Variants in SORCS1 observed in about 807,000 individuals in gnomAD.
SORCS1 encodes sortilin related VPS10 domain containing receptor 1, also known as VPS10 domain-containing receptor SorCS1.
A neutral mutation model predicts 146.1 loss-of-function variants in SORCS1; 60 were observed. The observed-to-expected ratio is 0.41, with a 90% confidence interval of 0.33 to 0.51. SORCS1 has a LOEUF of 0.51. Ranked by LOEUF, SORCS1 falls within the 20% of genes least tolerant of loss-of-function variation. The pLI, the probability that SORCS1 is intolerant of heterozygous loss-of-function variation, is 0.21. For synonymous variants in SORCS1, 637 were observed against 584.0 expected, an observed-to-expected ratio of 1.09 and a Z score of -1.31; for missense variants, 1,352 against 1,487.6, an observed-to-expected ratio of 0.91 and a Z score of 1.50.
chr10:107,093,236 G>T (rs537224374), intron 1 of SORCS1, among the ~76,000 whole-genome samples: 40 of 152,122 alleles, frequency 2.6e-4, no homozygotes, highest in Admixed American at 1.2e-3. Context: ...TACACACTTC[G>T]ATTGACCGAC....
chr10:106,831,787 G>A (rs937016625), intron 2 of SORCS1, among the ~76,000 whole-genome samples: 2 of 152,150 alleles, frequency 1.3e-5, no homozygotes, highest in East Asian at 3.9e-4. Flanking sequence ...GGATTTAGAT[G>A]CCATTCCTAA....
chr10:106,731,371 TG>T (rs1005024001), intron 5 of SORCS1, among the ~76,000 whole-genome samples: 2 of 149,948 alleles, frequency 1.3e-5, no homozygotes, highest in Non-Finnish European at 2.9e-5. Flanking sequence ...CTGCACAGAC[TG>T]GGTCCATCTC....
intron 2 of SORCS1, among the ~76,000 whole-genome samples, chr10:106,840,628 G>A (rs1192514567): frequency 6.6e-6 from 1 of 152,032 alleles, no homozygotes; most frequent in African/African-American, 2.4e-5. Context: ...GCCCTACCAT[G>A]TGTAAAATGA....
intron 4 of SORCS1, among the ~76,000 whole-genome samples, chr10:106,769,889 G>A (rs1463750239): frequency 1.3e-5 from 2 of 152,056 alleles, no homozygotes; most frequent in South Asian, 2.1e-4. Flanking sequence ...CCAGGAGTTC[G>A]AGACCAGCCT....
At chr10:106,892,272 G>A (rs1269317361) in intron 2 of SORCS1, among the ~76,000 whole-genome samples, 1 of 152,206 alleles carries the variant, frequency 6.6e-6, no homozygotes, top group Non-Finnish European at 1.5e-5. Flanking sequence ...GATTGCAACT[G>A]CAATCCACTT....
At position 106,965,851 on chromosome 10, in the gene SORCS1, C is replaced by T. The variant is rs567843075; in HGVS notation, c.559-9271G>A. Among the ~76,000 whole-genome samples the T allele has an allele frequency of 1.2e-4, 18 of 152,350 alleles. No individual in the cohort carries two copies. The South Asian group carries it at 2.9e-3, about 25-fold the overall frequency. On this transcript the variant is annotated intron_variant, in intron 1 of 25. Transcript: ENST00000263054. ...TCAGACATGGTACTAGTCACAAACC[C>T]TTCTCTCACTCTGCCTTCTTCTAGA...
chr10:106,883,501 G>A (rs1397131588), intron 2 of SORCS1, among the ~76,000 whole-genome samples: 1 of 149,552 alleles, frequency 6.7e-6, no homozygotes, highest in East Asian at 2.0e-4. Context: ...TGCAAGCTCC[G>A]CCTCCTGAGT....
chr10:107,063,670 T>C (rs1961455175), intron 1 of SORCS1, among the ~76,000 whole-genome samples: 2 of 152,240 alleles, frequency 1.3e-5, no homozygotes, highest in Non-Finnish European at 1.5e-5. Context: ...GCCTGGTTAT[T>C]TGAGTTTTCA....
At chr10:106,982,830 T>TC (rs1269328072) in intron 1 of SORCS1, among the ~76,000 whole-genome samples, 3 of 152,106 alleles carry the variant, frequency 2.0e-5, no homozygotes. Flanking sequence ...AATATGTTGC[T>TC]CCCCTAGTGT....
At chr10:106,697,464 T>A (rs1964865) in intron 9 of SORCS1, among the ~76,000 whole-genome samples, 117,584 of 150,574 alleles carry the variant, frequency 0.78, 47,983 homozygotes, top group Non-Finnish European at 0.91. Context: ...TCAAAATAAA[T>A]AAATAAATAA....
intron 15 of SORCS1, 82 bp from the exon 16 acceptor site, chr10:106,671,449 ATT>A (rs1223854960): frequency 2.5e-6 from 4 of 1,570,432 alleles, no homozygotes; most frequent in Non-Finnish European, 3.5e-6. Context: ...TTAGGGAGAC[ATT>A]TGCACATCTT....
chr10:106,720,373 A>G (rs977710193), intron 6 of SORCS1, among the ~76,000 whole-genome samples: 2 of 151,740 alleles, frequency 1.3e-5, no homozygotes, highest in African/African-American at 4.8e-5. Flanking sequence ...CCACTTCCCC[A>G]TCATTAAAAT....
intron 1 of SORCS1, among the ~76,000 whole-genome samples, chr10:107,108,728 A>G (rs922781313): frequency 6.6e-6 from 1 of 152,182 alleles, no homozygotes; most frequent in African/African-American, 2.4e-5. Flanking sequence ...GTCTTAACTC[A>G]TTCTAGCATC....
At chr10:106,844,215 C>A (rs1353809930) in intron 2 of SORCS1, among the ~76,000 whole-genome samples, 2 of 152,012 alleles carry the variant, frequency 1.3e-5, no homozygotes, top group East Asian at 3.9e-4. Flanking sequence ...TGTTCTTTGC[C>A]CATTTTTAAT....
chr10:106,980,773 G>A (rs186522135), intron 1 of SORCS1, among the ~76,000 whole-genome samples: 2 of 152,254 alleles, frequency 1.3e-5, no homozygotes, highest in East Asian at 3.9e-4. Flanking sequence ...AAGACCAACT[G>A]TAATGCAAAG....
intron 2 of SORCS1, among the ~76,000 whole-genome samples, chr10:106,833,432 T>C (rs547813766): frequency 6.6e-6 from 1 of 152,180 alleles, no homozygotes; most frequent in African/African-American, 2.4e-5. Context: ...GTTTCATCGG[T>C]AGAACCAACA....
chr10:107,098,969 C>A (rs1964731871), intron 1 of SORCS1, among the ~76,000 whole-genome samples: 1 of 152,180 alleles, frequency 6.6e-6, no homozygotes, highest in South Asian at 2.1e-4. Flanking sequence ...TCTTCATGAA[C>A]AACCAACAAT....
chr10:106,687,801 A>C (rs1028055930), intron 10 of SORCS1, among the ~76,000 whole-genome samples: 1 of 152,234 alleles, frequency 6.6e-6, no homozygotes, highest in Non-Finnish European at 1.5e-5. Context: ...ACGACTCTGC[A>C]TTCAGTTCAT....
intron 24 of SORCS1, among the ~76,000 whole-genome samples, chr10:106,595,589 T>C (rs1027966735): frequency 8.9e-4 from 136 of 152,242 alleles, no homozygotes; most frequent in Non-Finnish European, 1.0e-4. Flanking sequence ...AATAAAATAT[T>C]CTATGAAATC....
Sources: allele counts gnomAD v4.1 joint callset (sites outside exome capture counted in the v4.1 genomes callset), GRCh38; gene constraint gnomAD v4.1.1; transcripts MANE v1.5; gene names NCBI Gene and HGNC (gene_info 2026-07-23, HGNC 2026-07-21).